Variants in HDAC6 observed in about 807,000 individuals in gnomAD.
HDAC6 encodes the protein protein deacetylase HDAC6.
In HDAC6, 5 loss-of-function variants were observed where a neutral mutation model predicts 88.9. The ratio of observed to expected loss-of-function variants is 0.06; its 90% CI spans 0.03 to 0.12. The LOEUF (loss-of-function observed/expected upper bound fraction) is 0.12. HDAC6 is among the 10% of genes least tolerant of loss of function. HDAC6 has a pLI of 1.00. For synonymous variants in HDAC6, 378 were observed against 398.0 expected, an observed-to-expected ratio of 0.95 and a Z score of 0.60; for missense variants, 706 against 1,014.4, an observed-to-expected ratio of 0.70 and a Z score of 4.13.
At chrX:48,811,798 C>T (rs2062906547) in intron 10 of HDAC6, among the ~76,000 whole-genome samples, 1 of 111,595 alleles carries the variant, frequency 9.0e-6, no homozygotes, top group Non-Finnish European at 1.9e-5. Context: ...CTGGTTTTAT[C>T]TTTATTAATG....
Position 48,806,378 on chromosome X carries a change from A to G in HDAC6, c.448A>G (p.Ile150Val). The G allele has an allele frequency of 1.7e-6, 2 of 1,175,435 alleles. No individual in the cohort carries two copies. Among genetic ancestry groups the G allele is most frequent in the Non-Finnish European group, 1.2e-6 (1 of 862,413 alleles). The change falls in exon 7 of 29, where the codon ATT (isoleucine) becomes GTT (valine). Residue 150 changes from isoleucine (I) to valine (V), a missense_variant. By Grantham distance (29) the Ile-to-Val change is conservative (BLOSUM62 3). This residue lies in a region of HDAC6 where 193 missense variants were observed against 258.2 expected (regional missense o/e 0.75). Coordinates refer to ENST00000334136, the MANE Select transcript of HDAC6 (RefSeq NM_006044.4). ...ELMLVHSLEY[I>V]DLMETTQYMN... is the part of the protein sequence containing the mutation. The stretch of plus-strand genomic sequence containing the variant: ...CCCATCTGTGTCTAGCCTAGAATAT[A>G]TTGATCTGATGGAAACAACCCAGTA...
At chrX:48,824,135 C>A (rs782483173) in intron 27 of HDAC6, 31 bp from the exon 28 acceptor site, 1 of 1,203,127 alleles carries the variant, frequency 8.3e-7, no homozygotes, top group Admixed American at 2.2e-5. Flanking sequence ...GGATGCTGAC[C>A]CCCACCTGAC....
chrX:48,817,344 G>C lies in HDAC6; in HGVS notation c.1810G>C (p.Val604Leu). 8.3e-7 allele frequency: 1 copy of C among 1,209,571 alleles called. No homozygotes were observed. Among genetic ancestry groups the C allele is most frequent in the Non-Finnish European group, 1.1e-6 (1 of 894,506 alleles). Reference sequence around the variant, plus strand: ...TTCCCAGGTTCTGAATGGTGCTGCTGTGGTGCGTCCCCCAGGACACCACGC... The same window carrying C: ...TTCCCAGGTTCTGAATGGTGCTGCTCTGGTGCGTCCCCCAGGACACCACGC... ...LSGEVLNGAAVVRPPGHHAEQ... is the reference protein window; with the variant it reads ...LSGEVLNGAALVRPPGHHAEQ... The change falls in exon 20 of 29, where the codon GTG (valine) becomes CTG (leucine). Residue 604 changes from valine (V) to leucine (L), a missense_variant. Physicochemically the swap from Val to Leu is conservative, Grantham distance 32. This residue lies in a region of HDAC6 where 138 missense variants were observed against 303.5 expected (regional missense o/e 0.45). Coordinates refer to ENST00000334136, the MANE Select transcript of HDAC6 (RefSeq NM_006044.4).
chrX:48,820,389 T>A (rs2063062006), intron 23 of HDAC6, 134 bp downstream of exon 23: 4 of 538,298 alleles, frequency 7.4e-6, no homozygotes, highest in Non-Finnish European at 1.2e-5. Context: ...TGGGTAGTAA[T>A]AAGAATAACA....
intron 27 of HDAC6, 47 bp from the exon 28 acceptor site, chrX:48,824,119 G>T (rs1392634456): frequency 1.7e-6 from 2 of 1,205,679 alleles, no homozygotes; most frequent in South Asian, 1.8e-5. Flanking sequence ...GGAGCAAACT[G>T]CAGGGGGATG....
intron 22 of HDAC6, among the ~76,000 whole-genome samples, chrX:48,819,277 T>C (rs1258504121): frequency 1.8e-5 from 2 of 112,188 alleles, no homozygotes; most frequent in Non-Finnish European, 3.8e-5. Context: ...TGCAGATATA[T>C]AGTACTGATC....
Position 48,815,463 on chromosome X carries a change from T to A in HDAC6, c.1229T>A (p.Leu410Gln). 8.3e-7 allele frequency: 1 copy of A among 1,207,276 alleles called. No homozygotes were observed. The highest frequency in any genetic ancestry group is 1.1e-6 in the Non-Finnish European group (1 of 892,577). Residue 410 changes from leucine (L) to glutamine (Q), a missense_variant, in exon 15 of 29, where the codon CTG (leucine) becomes CAG (glutamine). Transcript: ENST00000334136. Reference protein sequence around the residue: ...HTLLGDPCPMLESPGAPCRSA... With the variant: ...HTLLGDPCPMQESPGAPCRSA... ...CTTCTGGGAGACCCTTGCCCCATGC[T>A]GGAGTCACCTGGTGCCCCCTGCCGG...
Position 48,823,197 on chromosome X carries a change from T to C in HDAC6, c.2798T>C (p.Met933Thr). 2 of 1,204,444 alleles carry C rather than the reference T, an allele frequency of 1.7e-6. No individual in the cohort carries two copies. The highest frequency in any genetic ancestry group is 2.2e-6 in the Non-Finnish European group (2 of 892,232). Residue 933 changes from methionine (M) to threonine (T), a missense_variant, in exon 25 of 29, where the codon ATG becomes ACG. This residue lies in a region of HDAC6 where 89 missense variants were observed against 90.9 expected (regional missense o/e 0.98). Transcript: ENST00000334136. ...TCTGAGGCAGCCATTGGGGGAGCCA[T>C]GCTGGGCCAGACCACCTCAGAGGAG... ...TISEAAIGGA[M>T]LGQTTSEEAV... is the part of the protein sequence containing the mutation.
At chrX:48,801,859 C>T (rs1361976701), upstream of HDAC6, 21 of 972,046 alleles carry the variant, frequency 2.2e-5, 1 homozygote, top group African/African-American at 1.6e-4. Context: ...AGCCTGAGCG[C>T]TCGCGTCCCC....
At position 48,823,464 on chromosome X, in the gene HDAC6, C is replaced by T. The variant is rs1557031006; in HGVS notation, c.3065C>T (p.Pro1022Leu). The T allele has an allele frequency of 1.7e-6, 2 of 1,209,122 alleles. No homozygotes were observed. Among genetic ancestry groups the T allele is most frequent in the African/African-American group, 3.5e-5 (2 of 57,095 alleles). The change falls in exon 25 of 29, where the codon CCT becomes CTT. Residue 1022 changes from proline to leucine, a missense_variant. Around this residue, in one of 9 missense-constraint regions of HDAC6, gnomAD observed 112 missense variants for 95.1 expected, o/e 1.18. Transcript: ENST00000334136. ...APGGTELIQT[P>L]LASSTDHQTP... Reference sequence around the variant, plus strand: ...GGGGGCACCGAGCTGATCCAAACTCCTCTAGCCTCGAGCACAGACCACCAG... The same window carrying T: ...GGGGGCACCGAGCTGATCCAAACTCTTCTAGCCTCGAGCACAGACCACCAG...
rs1557022812 is a variant in HDAC6 at position 48,802,754 on chromosome X, A to T, written c.62A>T (p.Gln21Leu). ...CAGCGAAGAAGTAGGCAGAACCCCCAGTCGCCCCCTCAGGACTCCAGTGTC... is the reference window on the plus strand; with the variant it reads ...CAGCGAAGAAGTAGGCAGAACCCCCTGTCGCCCCCTCAGGACTCCAGTGTC... Reference protein sequence around the residue: ...TRQRRSRQNPQSPPQDSSVTS... With the variant: ...TRQRRSRQNPLSPPQDSSVTS... The change falls in exon 2 of 29, where the codon CAG (glutamine) becomes CTG (leucine). Residue 21 changes from glutamine (Q) to leucine (L), a missense_variant. Coordinates refer to ENST00000334136, the MANE Select transcript of HDAC6 (RefSeq NM_006044.4). The T allele has an allele frequency of 8.3e-7, 1 of 1,208,707 alleles. No individual in the cohort carries two copies. The highest frequency in any genetic ancestry group is 1.8e-5 in the South Asian group (1 of 56,408).
rs782781030 is a variant in HDAC6, at chrX:48,823,770, G to C, written c.3288G>C (p.Arg1096Ser). 4 of 1,206,393 alleles carry C rather than the reference G, an allele frequency of 3.3e-6. No homozygotes were observed. In the Admixed American group the frequency reaches 8.7e-5, roughly 26 times the overall value. The change falls in exon 26 of 29, where the codon AGG becomes AGC. Residue 1096 changes from arginine (R) to serine (S), a missense_variant. By Grantham distance (110) the Arg-to-Ser change is moderately radical. Transcript: ENST00000334136. ...ATTCGATGCTGATGCAGGGATCTAG[G>C]GGCCTCACTGATCAGGTGAGCTCAG... is the stretch of plus-strand genomic sequence containing the variant. ...MADSMLMQGS[R>S]GLTDQAIFYA...
intron 6 of HDAC6, 163 bp from the exon 7 acceptor site, chrX:48,806,205 T>G: frequency 2.3e-6 from 1 of 439,284 alleles, no homozygotes; most frequent in South Asian, 3.3e-5. Flanking sequence ...TTACCTGAAC[T>G]GAGGCGGGCT....
rs1557031345 is a variant in HDAC6, at chrX:48,823,794, A to G, written c.3303+9A>G. On this transcript the variant is annotated intron_variant, in intron 26 of 28. Transcript: ENST00000334136. ...GGGGCCTCACTGATCAGGTGAGCTC[A>G]GGGAGAGGCTGGGACTGTGGCTTCC... 2 of 1,198,438 alleles carry G rather than the reference A, an allele frequency of 1.7e-6. No homozygotes were observed. Among genetic ancestry groups the G allele is most frequent in the Admixed American group, 2.2e-5 (1 of 45,887 alleles).
rs782153487 is a variant in HDAC6 at position 48,815,518 on chromosome X, G to A, written c.1256+28G>A. 5.0e-6 allele frequency: 6 copies of A among 1,196,850 alleles called. No homozygotes were observed. The Admixed American group carries it at 6.6e-5, about 13-fold the overall frequency. On this transcript the variant is annotated intron_variant, in intron 15 of 28. Coordinates refer to ENST00000334136, the MANE Select transcript of HDAC6 (RefSeq NM_006044.4). Reference sequence around the variant, plus strand: ...GAGCCCCGGTGGAGGAGGGGAAAGCGGGAGCCTCACTGCCCGCCCACATTC... The same window carrying A: ...GAGCCCCGGTGGAGGAGGGGAAAGCAGGAGCCTCACTGCCCGCCCACATTC...
chrX:48,814,498 G>T lies in HDAC6; in HGVS notation c.865G>T (p.Ala289Ser), dbSNP rs1557026730. ...EQGRFWPHLK[A>S]SNWSTTGFGQ... The stretch of plus-strand genomic sequence containing the variant: ...GGGTAGGTTCTGGCCCCACCTGAAG[G>T]CCTCTAACTGGTCCACCACAGGTTT... The change falls in exon 11 of 29, where the codon GCC becomes TCC. Residue 289 changes from alanine to serine, a missense_variant. Ala to Ser is a moderately conservative substitution (Grantham distance 99). Around this residue, in one of 9 missense-constraint regions of HDAC6, gnomAD observed 193 missense variants for 258.2 expected, o/e 0.75. Coordinates refer to ENST00000334136, the MANE Select transcript of HDAC6 (RefSeq NM_006044.4). 1 of 1,211,434 alleles carries T rather than the reference G, an allele frequency of 8.3e-7. No individual in the cohort carries two copies. The highest frequency in any genetic ancestry group is 1.1e-6 in the Non-Finnish European group (1 of 895,085).
At chrX:48,806,546 C>A in intron 7 of HDAC6, 63 bp from the exon 8 acceptor site, 1 of 1,064,520 alleles carries the variant, frequency 9.4e-7, no homozygotes, top group Non-Finnish European at 1.3e-6. Flanking sequence ...CTGGGGGAAG[C>A]AGCTGAGTGG....
chrX:48,809,863 T>C (rs1868556387), intron 10 of HDAC6, among the ~76,000 whole-genome samples: 1 of 110,499 alleles, frequency 9.0e-6, no homozygotes, highest in African/African-American at 3.3e-5. Context: ...AGATTAGGGA[T>C]GCTCAACCTG....
chrX:48,821,491 CTTTTT>C (rs869154128), intron 23 of HDAC6, among the ~76,000 whole-genome samples: 4 of 77,514 alleles, frequency 5.2e-5, no homozygotes, highest in South Asian at 6.6e-4. Flanking sequence ...ATACCTGCCT[CTTTTT>C]TTTTTTTTTT....
Sources: gnomAD v4.1 joint callset for allele counts (sites outside exome capture counted in the v4.1 genomes callset) on GRCh38, gnomAD v4.1.1 for gene constraint, gnomAD v4.1.1 regional missense constraint, MANE v1.5 for transcripts, NCBI Gene and HGNC (gene_info 2026-07-23, HGNC 2026-07-21) for gene names.